The following FMN1 variants were observed in gnomAD, a reference collection of about 807,000 sequenced individuals.
FMN1 encodes the protein formin 1, also known as formin-1.
FMN1 carries 110 observed loss-of-function variants against 132.4 expected under a neutral mutation model. The ratio of observed to expected loss-of-function variants is 0.83; its 90% CI spans 0.71 to 0.97. FMN1 has a LOEUF of 0.97. Among genes scored for constraint, FMN1 ranks in the 50% least tolerant of loss-of-function variants. FMN1 has a pLI of 0.00. For synonymous variants in FMN1, 722 were observed against 651.7 expected, an observed-to-expected ratio of 1.11 and a Z score of -1.64; for missense variants, 1,792 against 1,705.3, an observed-to-expected ratio of 1.05 and a Z score of -0.90.
chr15:33,048,636 A>AC (rs1566865304), intron 6 of FMN1, among the ~76,000 whole-genome samples: 8 of 142,684 alleles, frequency 5.6e-5, no homozygotes, highest in Non-Finnish European at 1.1e-4. Flanking sequence ...TTTACCAAAA[A>AC]AAAAAAAAAA....
At chr15:32,922,323 AT>A (rs533312500) in intron 10 of FMN1, among the ~76,000 whole-genome samples, 94 of 152,334 alleles carry the variant, frequency 6.2e-4, no homozygotes, top group Admixed American at 6.0e-3. Context: ...TTAAGTCTGT[AT>A]TTTTTAAAAA....
At chr15:33,119,320 C>T (rs151241595) in intron 4 of FMN1, among the ~76,000 whole-genome samples, 1 of 152,262 alleles carries the variant, frequency 6.6e-6, no homozygotes, top group East Asian at 1.9e-4. Context: ...CTGTCCATAT[C>T]TTGGGCTACA....
At chr15:33,180,111 G>C (rs922939182) in intron 3 of FMN1, 87 bp downstream of exon 3, 1 of 152,252 alleles carries the variant, frequency 6.6e-6, no homozygotes, top group African/African-American at 2.4e-5. Context: ...GAACCCTGTG[G>C]GTGAAAACAT....
At chr15:32,896,404 G>C (rs1207711941) in intron 15 of FMN1, among the ~76,000 whole-genome samples, 1 of 151,958 alleles carries the variant, frequency 6.6e-6, no homozygotes, top group East Asian at 1.9e-4. Flanking sequence ...AGGACATAAT[G>C]CCACTCCTTA....
At position 33,007,995 on chromosome 15, in the gene FMN1, T is replaced by C. The variant is rs2034507487; in HGVS notation, c.2223+19A>G. 1.3e-6 allele frequency: 2 copies of C among 1,587,490 alleles called. No homozygotes were observed. The highest frequency in any genetic ancestry group is 1.3e-5 in the African/African-American group (1 of 74,528). On this transcript the variant is annotated intron_variant, in intron 7 of 20. Transcript: ENST00000616417. ...TATCAGTTCTATAGAACCCGTTCAG[T>C]AGCATCAAAGAGGCATACCTGCAGG...
intron 7 of FMN1, among the ~76,000 whole-genome samples, chr15:33,004,082 A>T (rs937357701): frequency 1.3e-5 from 2 of 152,210 alleles, no homozygotes; most frequent in African/African-American, 4.8e-5. Flanking sequence ...ACCTAAAACC[A>T]TAAAAACCCT....
chr15:33,122,431 T>C (rs982744586), intron 4 of FMN1, among the ~76,000 whole-genome samples: 1 of 152,226 alleles, frequency 6.6e-6, no homozygotes, highest in Non-Finnish European at 1.5e-5. Flanking sequence ...GTAGGTTTTA[T>C]AAAATTAGTA....
chr15:32,978,250 T>A (rs928242481), intron 7 of FMN1, among the ~76,000 whole-genome samples: 1 of 152,204 alleles, frequency 6.6e-6, no homozygotes, highest in Non-Finnish European at 1.5e-5. Context: ...TCCAAGGAAG[T>A]AGCAGGAAAG....
chr15:32,996,054 A>T (rs2033750680), intron 7 of FMN1, among the ~76,000 whole-genome samples: 1 of 152,240 alleles, frequency 6.6e-6, no homozygotes, highest in African/African-American at 2.4e-5. Context: ...GACTTAGAGT[A>T]AACTAAACAT....
intron 7 of FMN1, among the ~76,000 whole-genome samples, chr15:32,990,948 C>T (rs940628177): frequency 1.3e-5 from 2 of 152,162 alleles, no homozygotes; most frequent in African/African-American, 4.8e-5. Flanking sequence ...CCAGGTTCCT[C>T]CCATGACACG....
chr15:32,926,268 T>C lies in FMN1; in HGVS notation c.3139-7A>G. 1 of 1,434,604 alleles carries C rather than the reference T, an allele frequency of 7.0e-7. No homozygotes were observed. The highest frequency in any genetic ancestry group is 9.4e-7 in the Non-Finnish European group (1 of 1,065,216). The allele number at this position is 1,434,604 out of a possible 1,614,324, so 88.9% of individuals were successfully genotyped here. On this transcript the variant is annotated splice_polypyrimidine_tract_variant and splice_region_variant and intron_variant, in intron 9 of 20. Transcript: ENST00000616417. The stretch of plus-strand genomic sequence containing the variant: ...CATCCAACAATTTGATGATCTAAAA[T>C]TAGAAAAAAAAAAAAAAGAATACAA...
chr15:33,176,619 C>G (rs1965524983), intron 3 of FMN1, among the ~76,000 whole-genome samples: 1 of 151,942 alleles, frequency 6.6e-6, no homozygotes, highest in African/African-American at 2.4e-5. Context: ...TAACCAGCCT[C>G]TTTATATTTC....
At chr15:32,971,764 C>T (rs144198550) in intron 7 of FMN1, among the ~76,000 whole-genome samples, 27 of 152,160 alleles carry the variant, frequency 1.8e-4, no homozygotes, top group Middle Eastern at 3.4e-3. Context: ...TGAAACTTTC[C>T]CTAATAAGGG....
chr15:32,844,997 A>T (rs2058825121), intron 17 of FMN1, among the ~76,000 whole-genome samples: 1 of 152,244 alleles, frequency 6.6e-6, no homozygotes, highest in Non-Finnish European at 1.5e-5. Flanking sequence ...AAGGAATGAA[A>T]AGATCTTTCC....
chr15:32,897,777 G>A (rs1478538791), intron 15 of FMN1, among the ~76,000 whole-genome samples: 2 of 151,396 alleles, frequency 1.3e-5, no homozygotes, highest in East Asian at 3.9e-4. Context: ...GAAAGCAAGT[G>A]AAATTCTCCA....
intron 4 of FMN1, among the ~76,000 whole-genome samples, chr15:33,124,020 G>A (rs1417321186): frequency 2.0e-5 from 3 of 152,140 alleles, no homozygotes; most frequent in African/African-American, 7.2e-5. Flanking sequence ...AACTATTCCA[G>A]CAAAGGACTG....
chr15:33,180,021 C>A (rs1965641682), intron 3 of FMN1, among the ~76,000 whole-genome samples, 177 bp downstream of exon 3: 1 of 152,134 alleles, frequency 6.6e-6, no homozygotes, highest in Admixed American at 6.5e-5. Context: ...TACTAATCTG[C>A]TCTGTAGTAC....
chr15:32,793,379 A>C (rs1411617823), intron 19 of FMN1, among the ~76,000 whole-genome samples: 1 of 151,958 alleles, frequency 6.6e-6, no homozygotes, highest in Non-Finnish European at 1.5e-5. Context: ...TCCCAGGCTT[A>C]AGTAATTTTC....
intron 6 of FMN1, among the ~76,000 whole-genome samples, chr15:33,042,229 T>C (rs2036473605): frequency 6.6e-6 from 1 of 152,146 alleles, no homozygotes; most frequent in South Asian, 2.1e-4. Context: ...AAGAAAATGG[T>C]ACAAGTTTAC....
Sources: allele counts gnomAD v4.1 joint callset (sites outside exome capture counted in the v4.1 genomes callset), GRCh38; gene constraint gnomAD v4.1.1; transcripts MANE v1.5; gene names NCBI Gene and HGNC (gene_info 2026-07-23, HGNC 2026-07-21).